The following EEFSEC variants were observed in gnomAD, a reference collection of about 807,000 sequenced individuals.
EEFSEC encodes the protein eukaryotic elongation factor, selenocysteine-tRNA specific, also known as selenocysteine-specific elongation factor.
A neutral mutation model predicts 42.1 loss-of-function variants in EEFSEC; 43 were observed. The ratio of observed to expected loss-of-function variants is 1.02; its 90% CI spans 0.80 to 1.32. EEFSEC has a LOEUF of 1.32. EEFSEC is among the 40% of genes most tolerant of loss of function. The pLI, the probability that EEFSEC is intolerant of heterozygous loss-of-function variation, is 0.00. For synonymous variants in EEFSEC, 354 were observed against 339.1 expected, an observed-to-expected ratio of 1.04 and a Z score of -0.48; for missense variants, 745 against 803.6, an observed-to-expected ratio of 0.93 and a Z score of 0.88.
intron 1 of EEFSEC, among the ~76,000 whole-genome samples, chr3:128,177,804 C>A (rs907384846): frequency 1.3e-5 from 2 of 152,120 alleles, no homozygotes; most frequent in Non-Finnish European, 2.9e-5. Context: ...CTTGAAGGAG[C>A]AGGCTCAAGT....
rs374739757 is a variant in EEFSEC at position 128,306,949 on chromosome 3, G to A, written c.787-34284G>A. 7.7e-4 allele frequency among the ~76,000 whole-genome samples: 117 copies of A among 152,348 alleles called. 3 individuals carry two copies. In the South Asian group the frequency reaches 0.024, roughly 31 times the overall value. ...GGTGAAACCCCAGGTCACCCTGCGT[G>A]AAATGGTTCCTAGCTTTTAAGACAA... On this transcript the variant is annotated intron_variant, in intron 4 of 6. Coordinates refer to ENST00000254730, the MANE Select transcript of EEFSEC (RefSeq NM_021937.5).
At chr3:128,377,230 C>G (rs1177445152) in intron 6 of EEFSEC, among the ~76,000 whole-genome samples, 2 of 151,822 alleles carry the variant, frequency 1.3e-5, no homozygotes, top group South Asian at 4.2e-4. Context: ...GTGTCTGATT[C>G]TTTTCAATTA....
intron 1 of EEFSEC, among the ~76,000 whole-genome samples, chr3:128,199,645 A>C (rs778168653): frequency 6.6e-6 from 1 of 152,212 alleles, no homozygotes; most frequent in Non-Finnish European, 1.5e-5. Flanking sequence ...TCTGTCTTAG[A>C]ATTGGAAATT....
At chr3:128,216,317 G>A (rs754522817) in intron 1 of EEFSEC, among the ~76,000 whole-genome samples, 1 of 152,170 alleles carries the variant, frequency 6.6e-6, no homozygotes, top group South Asian at 2.1e-4. Context: ...TTTCCACTGC[G>A]GGGTGGTTTC....
At chr3:128,160,484 C>G (rs2065172932) in intron 1 of EEFSEC, among the ~76,000 whole-genome samples, 1 of 151,618 alleles carries the variant, frequency 6.6e-6, no homozygotes, top group Non-Finnish European at 1.5e-5. Context: ...GGTCCTGGAG[C>G]TCCTTGGAAG....
At chr3:128,226,462 C>T (rs2065908179) in intron 1 of EEFSEC, among the ~76,000 whole-genome samples, 3 of 152,134 alleles carry the variant, frequency 2.0e-5, no homozygotes, top group Non-Finnish European at 2.9e-5. Flanking sequence ...GTGATCTGGC[C>T]ATCTCCCCAA....
chr3:128,397,357 T>C (rs1452470190), intron 6 of EEFSEC, among the ~76,000 whole-genome samples: 1 of 152,202 alleles, frequency 6.6e-6, no homozygotes, highest in Non-Finnish European at 1.5e-5. Context: ...GCTTCCCAGC[T>C]GTTGTGACCC....
rs376768098 is a variant in EEFSEC at position 128,258,261 on chromosome 3, T to C, written c.525-3867T>C. Among the ~76,000 whole-genome samples the C allele has an allele frequency of 6.6e-5, 10 of 152,228 alleles. No homozygotes were observed. In the East Asian group the frequency reaches 9.7e-4, roughly 15 times the overall value. On this transcript the variant is annotated intron_variant, in intron 2 of 6. Transcript: ENST00000254730. Reference sequence around the variant, plus strand: ...TCTGCTTTTGTGTTTTGAAAGACCATTGATGCCATCTTCCAGGTCAGTGTC... The same window carrying C: ...TCTGCTTTTGTGTTTTGAAAGACCACTGATGCCATCTTCCAGGTCAGTGTC...
intron 4 of EEFSEC, among the ~76,000 whole-genome samples, chr3:128,327,752 C>T (rs1002584969): frequency 6.6e-6 from 1 of 152,090 alleles, no homozygotes; most frequent in African/African-American, 2.4e-5. Flanking sequence ...ACCAGGGCAC[C>T]CGGAGCCCTG....
chr3:128,214,063 T>C (rs1386207156), intron 1 of EEFSEC, among the ~76,000 whole-genome samples: 3 of 152,218 alleles, frequency 2.0e-5, no homozygotes, highest in African/African-American at 4.8e-5. Flanking sequence ...TTAAGTAATA[T>C]TATGGTATAA....
intron 2 of EEFSEC, among the ~76,000 whole-genome samples, chr3:128,257,720 A>C (rs1436178880): frequency 6.6e-6 from 1 of 152,222 alleles, no homozygotes; most frequent in East Asian, 1.9e-4. Flanking sequence ...TGTTACAGTG[A>C]AGCTTATAAC....
intron 6 of EEFSEC, among the ~76,000 whole-genome samples, chr3:128,404,221 A>G (rs2068083017): frequency 6.6e-6 from 1 of 152,204 alleles, no homozygotes. Flanking sequence ...ATGCTGCCCC[A>G]TGTCCAGGTC....
chr3:128,407,595 A>G (rs572260037), intron 6 of EEFSEC, among the ~76,000 whole-genome samples: 16 of 152,282 alleles, frequency 1.1e-4, no homozygotes, highest in African/African-American at 3.8e-4. Flanking sequence ...ACACACCCTG[A>G]CTGCCCTCTC....
chr3:128,396,299 G>C (rs111905642), intron 6 of EEFSEC, among the ~76,000 whole-genome samples: 2,255 of 152,304 alleles, frequency 0.015, 50 homozygotes, highest in African/African-American at 0.051. Flanking sequence ...TGGAGAGGAA[G>C]CTGGGCTTCT....
chr3:128,403,753 A>G (rs1420188484), intron 6 of EEFSEC, among the ~76,000 whole-genome samples: 1 of 152,126 alleles, frequency 6.6e-6, no homozygotes, highest in African/African-American at 2.4e-5. Flanking sequence ...AGCAATATCT[A>G]TGGCTGGTCC....
intron 1 of EEFSEC, among the ~76,000 whole-genome samples, chr3:128,228,089 C>A (rs550770192): frequency 1.6e-4 from 24 of 151,968 alleles, no homozygotes; most frequent in African/African-American, 5.8e-4. Context: ...AGTAATTGAA[C>A]AGGCCCGGTC....
At chr3:128,350,812 G>C (rs1295652754) in intron 5 of EEFSEC, among the ~76,000 whole-genome samples, 1 of 152,200 alleles carries the variant, frequency 6.6e-6, no homozygotes, top group East Asian at 1.9e-4. Context: ...AGCTGGTCAG[G>C]CGTTGATGAG....
chr3:128,220,136 G>A (rs1263399735), intron 1 of EEFSEC, among the ~76,000 whole-genome samples: 1 of 152,202 alleles, frequency 6.6e-6, no homozygotes, highest in Non-Finnish European at 1.5e-5. Flanking sequence ...AGGACAGAGA[G>A]AGTGAGTAAC....
At chr3:128,246,605 C>A (rs147488758) in intron 1 of EEFSEC, among the ~76,000 whole-genome samples, 2 of 152,338 alleles carry the variant, frequency 1.3e-5, no homozygotes, top group Non-Finnish European at 2.9e-5. Context: ...GCAGTGCGAT[C>A]CTGGGCAAGC....
Sources: gnomAD v4.1 joint callset for allele counts (sites outside exome capture counted in the v4.1 genomes callset) on GRCh38, gnomAD v4.1.1 for gene constraint, MANE v1.5 for transcripts, NCBI Gene and HGNC (gene_info 2026-07-23, HGNC 2026-07-21) for gene names.